Variants in DYNC2H1 observed in about 807,000 individuals in gnomAD.
DYNC2H1 encodes the protein dynein cytoplasmic 2 heavy chain 1, also known as cytoplasmic dynein 2 heavy chain 1.
A neutral mutation model predicts 570.0 loss-of-function variants in DYNC2H1; 410 were observed. The ratio of observed to expected loss-of-function variants is 0.72; its 90% CI spans 0.66 to 0.78. DYNC2H1 has a LOEUF of 0.78. Among genes scored for constraint, DYNC2H1 ranks in the 30% least tolerant of loss-of-function variants. The pLI is 0.00. For synonymous variants in DYNC2H1, 1,688 were observed against 1,677.6 expected (o/e 1.01, Z -0.15); for missense variants, 4,865 against 5,046.4 (o/e 0.96, Z 1.09).
chr11:103,147,925 G>A, intron 19 of DYNC2H1, 38 bp downstream of exon 19: 1 of 1,381,442 alleles, frequency 7.2e-7, no homozygotes, highest in Non-Finnish European at 1.0e-6. Context: ...TACTTAATTT[G>A]ATATGTAGAA....
chr11:103,216,433 C>T (rs7927552), intron 55 of DYNC2H1, among the ~76,000 whole-genome samples: 26,690 of 152,016 alleles, frequency 0.18, 2,989 homozygotes, highest in African/African-American at 0.32. Flanking sequence ...CTACCAGCTA[C>T]ATATAACTGT....
intron 74 of DYNC2H1, 36 bp from the exon 75 acceptor site, chr11:103,287,497 T>C (rs956951181): frequency 1.3e-6 from 2 of 1,547,190 alleles, no homozygotes; most frequent in Non-Finnish European, 1.8e-6. Context: ...TTGCAGCAAC[T>C]TTATTCTTTA....
chr11:103,467,509 CTGTTTTGTTTTGTTT>C (rs6144488), intron 87 of DYNC2H1, among the ~76,000 whole-genome samples: 33,759 of 149,172 alleles, frequency 0.23, 3,998 homozygotes, highest in Admixed American at 0.31. Context: ...TTTGAAGGCA[CTGTTTTGTTTTGTTT>C]TGTTTTGTTT....
chr11:103,319,298 T>A lies in DYNC2H1; in HGVS notation c.11726-1731T>A, dbSNP rs1308822241. Reference sequence around the variant, plus strand: ...TCTGTTAAATCTTGATTACAGAATTTTCTGACATGAAGGAACTTCCACATG... The same window carrying A: ...TCTGTTAAATCTTGATTACAGAATTATCTGACATGAAGGAACTTCCACATG... On this transcript the variant is annotated intron_variant, in intron 80 of 88. Transcript: ENST00000375735. The surrounding 1 kb of genome is among the most constrained non-coding windows in gnomAD (Gnocchi z 4.3). 6.6e-6 allele frequency among the ~76,000 whole-genome samples: 1 copy of A among 152,148 alleles called. No individual in the cohort carries two copies. Among genetic ancestry groups the A allele is most frequent in the East Asian group, 1.9e-4 (1 of 5,190 alleles).
intron 12 of DYNC2H1, among the ~76,000 whole-genome samples, chr11:103,125,586 A>C (rs1452173680): frequency 3.9e-5 from 6 of 152,126 alleles, no homozygotes; most frequent in Admixed American, 3.9e-4. Flanking sequence ...AGGGCCTTCT[A>C]ATTAAGGAGT....
chr11:103,136,408 A>G (rs1275056617), intron 17 of DYNC2H1, among the ~76,000 whole-genome samples: 2 of 145,762 alleles, frequency 1.4e-5, no homozygotes, highest in Non-Finnish European at 3.0e-5. Context: ...CCAGAGTGTG[A>G]TGTTCCTTTT....
Position 103,117,702 on chromosome 11 carries a change from G to T in DYNC2H1, c.838G>T (p.Val280Leu), listed in dbSNP as rs758857025. The change falls in exon 6 of 89, where the codon GTG (valine) becomes TTG (leucine). Residue 280 changes from valine to leucine, a missense_variant. Transcript: ENST00000375735. ...LNLWEDPYYL[V>L]KESLKAGISI... ...CCTGTGGGAAGATCCTTATTATCTT[G>T]TGAAAGAAAGTCTGAAAGCTGGTAT... is the stretch of plus-strand genomic sequence containing the variant. The T allele has an allele frequency of 3.2e-5, 51 of 1,612,538 alleles. No homozygotes were observed. The African/African-American group carries it at 6.4e-4, about 20-fold the overall frequency.
At chr11:103,444,088 ATTAG>A (rs1204477000) in intron 85 of DYNC2H1, among the ~76,000 whole-genome samples, 1 of 151,750 alleles carries the variant, frequency 6.6e-6, no homozygotes, top group Non-Finnish European at 1.5e-5. Flanking sequence ...ATATTTTTGT[ATTAG>A]TTAAATTTTT....
At chr11:103,220,347 A>C (rs760162547) in intron 56 of DYNC2H1, among the ~76,000 whole-genome samples, 56 of 152,192 alleles carry the variant, frequency 3.7e-4, no homozygotes, top group Non-Finnish European at 7.4e-4. Context: ...AGCTAGTCCT[A>C]GGATATAAAG....
At chr11:103,320,363 T>C (rs1204651766) in intron 80 of DYNC2H1, among the ~76,000 whole-genome samples, 1 of 151,998 alleles carries the variant, frequency 6.6e-6, no homozygotes, top group Non-Finnish European at 1.5e-5. Context: ...GATCGCGTCA[T>C]TGCACTCCAG....
At chr11:103,148,793 T>G (rs1351988663) in intron 20 of DYNC2H1, among the ~76,000 whole-genome samples, 176 bp downstream of exon 20, 1 of 152,106 alleles carries the variant, frequency 6.6e-6, no homozygotes, top group East Asian at 1.9e-4. Flanking sequence ...GCCTGGTGGC[T>G]CACGCCTGTA....
At chr11:103,415,005 T>C (rs1373031645) in intron 84 of DYNC2H1, among the ~76,000 whole-genome samples, 1 of 152,180 alleles carries the variant, frequency 6.6e-6, no homozygotes, top group African/African-American at 2.4e-5. Flanking sequence ...AAGCTACCAT[T>C]GACTTTCTTC....
chr11:103,342,767 G>A (rs1420453377), intron 82 of DYNC2H1, among the ~76,000 whole-genome samples: 1 of 151,806 alleles, frequency 6.6e-6, no homozygotes, highest in Non-Finnish European at 1.5e-5. Flanking sequence ...GCCTCCCAAA[G>A]CCACTGCACC....
Position 103,142,432 on chromosome 11 carries a change from G to T in DYNC2H1, c.2575-836G>T, listed in dbSNP as rs540713724. ...TGCCTGTAATCCTGGCACTTTGGGAGGCTGAGGCTAATGGATCATTTGAGG... is the reference window on the plus strand; with the variant it reads ...TGCCTGTAATCCTGGCACTTTGGGATGCTGAGGCTAATGGATCATTTGAGG... On this transcript the variant is annotated intron_variant, in intron 17 of 88. Coordinates refer to ENST00000375735, the MANE Select transcript of DYNC2H1 (RefSeq NM_001377.3). 9.2e-5 allele frequency among the ~76,000 whole-genome samples: 14 copies of T among 152,272 alleles called. No homozygotes were observed. The East Asian group carries it at 2.7e-3, about 29-fold the overall frequency.
intron 32 of DYNC2H1, among the ~76,000 whole-genome samples, chr11:103,169,210 T>C (rs1366990801): frequency 6.6e-6 from 1 of 152,076 alleles, no homozygotes; most frequent in Non-Finnish European, 1.5e-5. Context: ...TTTCTTGGAG[T>C]TGCATTTATA....
rs1024945850 is a variant in DYNC2H1 at position 103,254,412 on chromosome 11, T to C, written c.10206+964T>C. Among the ~76,000 whole-genome samples, 1 of 152,214 alleles carries C rather than the reference T, an allele frequency of 6.6e-6. No homozygotes were observed. Among genetic ancestry groups the C allele is most frequent in the Non-Finnish European group, 1.5e-5 (1 of 68,026 alleles). ...TTTATACCAATGTCTTTCTCTATTTTAGTATTCAGAGTTAACAATTTGACA... is the reference window on the plus strand; with the variant it reads ...TTTATACCAATGTCTTTCTCTATTTCAGTATTCAGAGTTAACAATTTGACA... On this transcript the variant is annotated intron_variant, in intron 66 of 88. Coordinates refer to ENST00000375735, the MANE Select transcript of DYNC2H1 (RefSeq NM_001377.3). This position sits in a 1 kb window ranked among gnomAD's most constrained non-coding sequence, Gnocchi z 4.9.
intron 25 of DYNC2H1, among the ~76,000 whole-genome samples, chr11:103,156,111 A>G (rs1416437862): frequency 6.6e-6 from 1 of 152,076 alleles, no homozygotes; most frequent in Non-Finnish European, 1.5e-5. Flanking sequence ...TGGATGCTTT[A>G]ATTTTTTGCT....
At chr11:103,255,993 T>G (rs918676037) in intron 67 of DYNC2H1, 113 bp from the exon 68 acceptor site, 2 of 939,610 alleles carry the variant, frequency 2.1e-6, no homozygotes, top group Admixed American at 6.9e-5. Context: ...GAAATTCTTC[T>G]AAAATAACAT....
At chr11:103,352,372 A>T (rs2671345) in intron 82 of DYNC2H1, among the ~76,000 whole-genome samples, 83,943 of 151,974 alleles carry the variant, frequency 0.55, 24,938 homozygotes, top group Admixed American at 0.66. Flanking sequence ...CTACTATAAT[A>T]TTCCTCCAGA....
Sources: gnomAD v4.1 joint callset for allele counts (sites outside exome capture counted in the v4.1 genomes callset) on GRCh38, gnomAD v4.1.1 for gene constraint, Gnocchi (gnomAD v3.1) non-coding constraint, MANE v1.5 for transcripts, NCBI Gene and HGNC (gene_info 2026-07-23, HGNC 2026-07-21) for gene names.